ITGB5: variants seen among roughly 807,000 people sequenced by gnomAD.
The protein encoded by ITGB5 is integrin subunit beta 5.
Under a neutral mutation model 84.8 loss-of-function variants are expected in ITGB5, and 38 were observed. The observed-to-expected ratio is 0.45, with a 90% confidence interval of 0.35 to 0.59. The LOEUF (loss-of-function observed/expected upper bound fraction) is 0.59, where lower values mean the gene tolerates loss of function less well. ITGB5 is among the 20% of genes least tolerant of loss of function. The pLI is 0.01. For missense variants in ITGB5, 905 were observed against 1,034.5 expected (o/e 0.87, Z 1.72); for synonymous variants, 393 against 414.4 (o/e 0.95, Z 0.63).
chr3:124,855,912 C>T (rs183874387), intron 3 of ITGB5, among the ~76,000 whole-genome samples: 5 of 152,028 alleles, frequency 3.3e-5, no homozygotes, highest in South Asian at 2.1e-4. Flanking sequence ...TGCATAAATA[C>T]GGATTGTATG....
At chr3:124,838,777 A>AT (rs1342391066) in intron 5 of ITGB5, among the ~76,000 whole-genome samples, 1 of 151,894 alleles carries the variant, frequency 6.6e-6, no homozygotes, top group Non-Finnish European at 1.5e-5. Context: ...AATTTTTTGT[A>AT]TTTTTAGTAG....
chr3:124,876,671 G>A (rs951088790), intron 1 of ITGB5, among the ~76,000 whole-genome samples: 4 of 152,170 alleles, frequency 2.6e-5, no homozygotes, highest in African/African-American at 7.2e-5. Context: ...ACCCACAGGG[G>A]GTGAGAACAA....
intron 5 of ITGB5, among the ~76,000 whole-genome samples, chr3:124,835,328 A>C (rs1332031176): frequency 6.6e-6 from 1 of 152,234 alleles, no homozygotes; most frequent in Non-Finnish European, 1.5e-5. Context: ...CTCAGAGACC[A>C]AAACAGTAGA....
chr3:124,768,942 A>T, intron 12 of ITGB5, 71 bp downstream of exon 12: 2 of 1,248,646 alleles, frequency 1.6e-6, no homozygotes, highest in Non-Finnish European at 2.3e-6. Flanking sequence ...CTCCTGACTC[A>T]AGGCTAAAAC....
chr3:124,871,772 G>A (rs1174834611), intron 2 of ITGB5, among the ~76,000 whole-genome samples: 1 of 151,942 alleles, frequency 6.6e-6, no homozygotes, highest in Non-Finnish European at 1.5e-5. Flanking sequence ...GCTGTAGTGA[G>A]CTATGATCAC....
At chr3:124,881,494 C>T (rs112621199) in intron 1 of ITGB5, among the ~76,000 whole-genome samples, 1 of 152,136 alleles carries the variant, frequency 6.6e-6, no homozygotes, top group East Asian at 1.9e-4. Context: ...GATAGTTCTG[C>T]TCCACCCAGG....
chr3:124,777,252 G>C (rs2063939219), intron 10 of ITGB5, among the ~76,000 whole-genome samples: 1 of 152,194 alleles, frequency 6.6e-6, no homozygotes, highest in African/African-American at 2.4e-5. Context: ...TACCACCCTT[G>C]AGCCCAGCCA....
rs752168591 is a variant in ITGB5 at position 124,773,909 on chromosome 3, T to C, written c.1697A>G (p.His566Arg). The change falls in exon 11 of 15, where the codon CAT (histidine) becomes CGT (arginine). Residue 566 changes from histidine to arginine, a missense_variant. This residue lies in a region of ITGB5 where 656 missense variants were observed against 734.7 expected (regional missense o/e 0.89). Transcript: ENST00000296181. ...ARNKGVLCSG[H>R]GECHCGECKC... ...GCATTCCCCGCAGTGACACTCGCCATGGCCTAAAAGGATACATGTGGCACA... is the reference window on the plus strand; with the variant it reads ...GCATTCCCCGCAGTGACACTCGCCACGGCCTAAAAGGATACATGTGGCACA... The C allele has an allele frequency of 1.2e-6, 2 of 1,613,996 alleles. No individual in the cohort carries two copies. The highest frequency in any genetic ancestry group is 1.7e-6 in the Non-Finnish European group (2 of 1,180,020).
chr3:124,764,423 G>C lies in ITGB5; in HGVS notation c.2272C>G (p.Gln758Glu). 3.7e-6 allele frequency: 6 copies of C among 1,613,670 alleles called. No homozygotes were observed. Among genetic ancestry groups the C allele is most frequent in the South Asian group, 1.1e-5 (1 of 91,050 alleles). The change falls in exon 14 of 15, where the codon CAG (glutamine) becomes GAG (glutamate). Residue 758 changes from glutamine (Q) to glutamate (E), a missense_variant. Transcript: ENST00000296181. ...TAGCGGGCCCTGGATCGCTCGCTCT[G>C]AAACTTTGCAAACTCCCTCCGGTCG... The part of the protein sequence containing the change: ...IHDRREFAKF[Q>E]SERSRARYEM...
intron 2 of ITGB5, among the ~76,000 whole-genome samples, chr3:124,865,978 C>G (rs898239381): frequency 6.6e-6 from 1 of 151,998 alleles, no homozygotes; most frequent in Non-Finnish European, 1.5e-5. Flanking sequence ...AATATGTTAA[C>G]ACCTGACTCC....
At chr3:124,878,791 T>C (rs997654203) in intron 1 of ITGB5, 1 of 152,194 alleles carries the variant, frequency 6.6e-6, no homozygotes, top group African/African-American at 2.4e-5. Context: ...TTGGCACCAA[T>C]AAGCATTTTG....
At chr3:124,799,840 G>A (rs529682615) in intron 9 of ITGB5, among the ~76,000 whole-genome samples, 49 of 152,166 alleles carry the variant, frequency 3.2e-4, no homozygotes, top group Non-Finnish European at 4.7e-4. Context: ...ATCGGGGTGC[G>A]CAGGGAGAGC....
chr3:124,774,400 C>A (rs938720313), intron 10 of ITGB5, among the ~76,000 whole-genome samples: 4 of 152,132 alleles, frequency 2.6e-5, no homozygotes, highest in Non-Finnish European at 5.9e-5. Context: ...GGAGACTGGA[C>A]TACAGAGGAA....
At chr3:124,776,223 G>A (rs1226571392) in intron 10 of ITGB5, among the ~76,000 whole-genome samples, 1 of 152,226 alleles carries the variant, frequency 6.6e-6, no homozygotes, top group Non-Finnish European at 1.5e-5. Context: ...CTGGAAGGGA[G>A]AGGGCGGTCC....
chr3:124,886,649 C>A (rs1934823270), intron 1 of ITGB5, among the ~76,000 whole-genome samples: 1 of 151,968 alleles, frequency 6.6e-6, no homozygotes, highest in African/African-American at 2.4e-5. Flanking sequence ...GCCCTGGGCG[C>A]GGGCCCTGGC....
At chr3:124,798,673 G>A (rs1427494899) in intron 9 of ITGB5, among the ~76,000 whole-genome samples, 5 of 152,066 alleles carry the variant, frequency 3.3e-5, no homozygotes, top group Admixed American at 1.3e-4. Context: ...TGATCCACCC[G>A]CCTTGGCTTC....
chr3:124,803,551 C>T (rs144787904), intron 9 of ITGB5, among the ~76,000 whole-genome samples: 2,476 of 152,258 alleles, frequency 0.016, 30 homozygotes, highest in Middle Eastern at 0.034. Flanking sequence ...CAGTGATGAG[C>T]GAGATGACCT....
intron 3 of ITGB5, among the ~76,000 whole-genome samples, chr3:124,855,051 AC>A (rs1314818635): frequency 6.6e-6 from 1 of 152,052 alleles, no homozygotes; most frequent in African/African-American, 2.4e-5. Context: ...AGTGGCTCAC[AC>A]CTGTAATCCC....
intron 11 of ITGB5, among the ~76,000 whole-genome samples, chr3:124,771,554 G>A (rs1227059921): frequency 6.6e-6 from 1 of 151,960 alleles, no homozygotes; most frequent in Non-Finnish European, 1.5e-5. Context: ...TTTGAGACCA[G>A]CCTGGTCAAC....
Sources: gnomAD v4.1 joint callset for allele counts (sites outside exome capture counted in the v4.1 genomes callset) on GRCh38, gnomAD v4.1.1 for gene constraint, gnomAD v4.1.1 regional missense constraint, MANE v1.5 for transcripts, NCBI Gene and HGNC (gene_info 2026-07-23, HGNC 2026-07-21) for gene names.